The following MIPOL1 variants were observed in gnomAD, a reference collection of about 807,000 sequenced individuals.
MIPOL1 encodes the protein mirror-image polydactyly gene 1 protein.
Under a neutral mutation model 60.9 loss-of-function variants are expected in MIPOL1, and 57 were observed. That is an observed-to-expected ratio of 0.94 (90% CI 0.76 to 1.17). The LOEUF is 1.17. Among genes scored for constraint, MIPOL1 ranks in the 50% most tolerant of loss-of-function variants. The pLI, the probability that MIPOL1 is intolerant of heterozygous loss-of-function variation, is 0.00. For synonymous variants in MIPOL1, 179 were observed against 168.8 expected (o/e 1.06, Z -0.47); for missense variants, 551 against 511.6 (o/e 1.08, Z -0.74).
intron 9 of MIPOL1, among the ~76,000 whole-genome samples, chr14:37,344,762 G>T (rs2090823074): frequency 6.6e-6 from 1 of 152,138 alleles, no homozygotes; most frequent in South Asian, 2.1e-4. Flanking sequence ...AGGTATGTTG[G>T]CTCACACCTG....
intron 7 of MIPOL1, among the ~76,000 whole-genome samples, chr14:37,296,387 T>A (rs1189653970): frequency 3.3e-5 from 5 of 151,860 alleles, no homozygotes; most frequent in Admixed American, 1.3e-4. Context: ...ACATCACAAT[T>A]AAAAGAACTA....
intron 3 of MIPOL1, among the ~76,000 whole-genome samples, chr14:37,249,818 G>A: frequency 6.6e-6 from 1 of 151,686 alleles, no homozygotes. Flanking sequence ...CTCAATTGAT[G>A]TTAAAAAAAA....
intron 9 of MIPOL1, among the ~76,000 whole-genome samples, chr14:37,341,398 T>C (rs1440993912): frequency 2.0e-5 from 3 of 152,202 alleles, no homozygotes; most frequent in Non-Finnish European, 2.9e-5. Flanking sequence ...CCTTAGAATG[T>C]GAAATTAAAA....
chr14:37,511,284 G>A (rs1206414973), intron 12 of MIPOL1, among the ~76,000 whole-genome samples: 1 of 152,106 alleles, frequency 6.6e-6, no homozygotes, highest in East Asian at 1.9e-4. Context: ...TTTTATCAGT[G>A]GAAATTCATT....
chr14:37,265,195 A>G (rs1336074292), intron 3 of MIPOL1: 1 of 152,074 alleles, frequency 6.6e-6, no homozygotes, highest in East Asian at 1.9e-4. Context: ...AACTCTGGCT[A>G]TCCTTTGGCA....
intron 9 of MIPOL1, among the ~76,000 whole-genome samples, chr14:37,331,098 G>A (rs1235456840): frequency 2.0e-5 from 3 of 151,786 alleles, no homozygotes; most frequent in African/African-American, 7.3e-5. Flanking sequence ...ATATGTATCT[G>A]TTTTATGCCA....
intron 9 of MIPOL1, among the ~76,000 whole-genome samples, chr14:37,316,943 A>C (rs1567437418): frequency 6.6e-6 from 1 of 152,048 alleles, no homozygotes; most frequent in Non-Finnish European, 1.5e-5. Flanking sequence ...GTGTCATTGC[A>C]CTCCAGCCTG....
chr14:37,471,445 A>G (rs957989358), intron 11 of MIPOL1, among the ~76,000 whole-genome samples: 1 of 152,126 alleles, frequency 6.6e-6, no homozygotes, highest in African/African-American at 2.4e-5. Context: ...TTCCAAAGCT[A>G]TCCTACTCAG....
intron 10 of MIPOL1, among the ~76,000 whole-genome samples, chr14:37,395,242 G>T (rs1263219409): frequency 6.6e-6 from 1 of 152,022 alleles, no homozygotes; most frequent in Non-Finnish European, 1.5e-5. Context: ...CTCTTTTTTG[G>T]TTCCATGTGA....
At chr14:37,504,754 T>C (rs1566735391) in intron 12 of MIPOL1, 1 of 151,924 alleles carries the variant, frequency 6.6e-6, no homozygotes, top group African/African-American at 2.4e-5. Flanking sequence ...ATAACTAAGA[T>C]CAGAGCAGAA....
At chr14:37,443,622 G>T (rs181752132) in intron 11 of MIPOL1, among the ~76,000 whole-genome samples, 9 of 151,586 alleles carry the variant, frequency 5.9e-5, no homozygotes, top group African/African-American at 2.2e-4. Flanking sequence ...AACATTTTCA[G>T]AACATAAAAG....
At chr14:37,250,589 T>A (rs1442639850) in intron 3 of MIPOL1, among the ~76,000 whole-genome samples, 1 of 151,992 alleles carries the variant, frequency 6.6e-6, no homozygotes, top group Non-Finnish European at 1.5e-5. Flanking sequence ...CATAAATATT[T>A]TAACTTTCAA....
intron 1 of MIPOL1, among the ~76,000 whole-genome samples, chr14:37,228,196 C>T (rs112478547): frequency 4.6e-5 from 7 of 152,262 alleles, no homozygotes; most frequent in Non-Finnish European, 8.8e-5. Context: ...ATTTTTCTCT[C>T]ACCTATTCTT....
intron 12 of MIPOL1, among the ~76,000 whole-genome samples, chr14:37,544,650 T>G (rs772929202): frequency 2.6e-5 from 4 of 152,194 alleles, no homozygotes; most frequent in Non-Finnish European, 5.9e-5. Flanking sequence ...ATTCCATTCC[T>G]TACAGGAAGG....
chr14:37,315,483 G>A (rs139811916), intron 9 of MIPOL1, among the ~76,000 whole-genome samples: 2 of 152,324 alleles, frequency 1.3e-5, no homozygotes, highest in African/African-American at 4.8e-5. Context: ...AGATGAAAGT[G>A]ATGGTGGTTC....
chr14:37,284,189 GC>G (rs1322999429), intron 6 of MIPOL1, among the ~76,000 whole-genome samples: 1 of 152,094 alleles, frequency 6.6e-6, no homozygotes, highest in Non-Finnish European at 1.5e-5. Context: ...CCTGCTCTGT[GC>G]AGATGTGCAC....
At chr14:37,489,325 T>A in intron 11 of MIPOL1, among the ~76,000 whole-genome samples, 1 of 152,184 alleles carries the variant, frequency 6.6e-6, no homozygotes, top group East Asian at 1.9e-4. Context: ...TTCTCTAAAC[T>A]GGTTATTCTA....
At chr14:37,207,981 A>G (rs1017005189) in intron 1 of MIPOL1, among the ~76,000 whole-genome samples, 4 of 152,202 alleles carry the variant, frequency 2.6e-5, no homozygotes, top group African/African-American at 9.7e-5. Flanking sequence ...AGAAATTATA[A>G]CTTTGAAGGA....
At chr14:37,435,426 CTATT>C (rs2153562182) in intron 11 of MIPOL1, among the ~76,000 whole-genome samples, 1 of 152,212 alleles carries the variant, frequency 6.6e-6, no homozygotes, top group Non-Finnish European at 1.5e-5. Flanking sequence ...CTACATCACT[CTATT>C]TGTTACCCTC....
Sources: allele counts gnomAD v4.1 joint callset (sites outside exome capture counted in the v4.1 genomes callset), GRCh38; gene constraint gnomAD v4.1.1; transcripts MANE v1.5; gene names NCBI Gene and HGNC (gene_info 2026-07-23, HGNC 2026-07-21).